KCNK10: variants seen among roughly 807,000 people sequenced by gnomAD.
The protein encoded by KCNK10 is potassium channel subfamily K member 10.
In KCNK10, 25 loss-of-function variants were observed where a neutral mutation model predicts 47.7. That is an observed-to-expected ratio of 0.52 (90% CI 0.38 to 0.73). The LOEUF (loss-of-function observed/expected upper bound fraction) is 0.73. Ranked by LOEUF, KCNK10 falls within the 30% of genes least tolerant of loss-of-function variation. The pLI is 0.00. For synonymous variants in KCNK10, 303 were observed against 285.6 expected, an observed-to-expected ratio of 1.06 and a Z score of -0.61; for missense variants, 563 against 714.5, an observed-to-expected ratio of 0.79 and a Z score of 2.42.
chr14:88,275,288 G>A (rs1328421721), intron 1 of KCNK10, among the ~76,000 whole-genome samples: 1 of 152,084 alleles, frequency 6.6e-6, no homozygotes, highest in Non-Finnish European at 1.5e-5. Flanking sequence ...GGCCATCAGT[G>A]GTAGACCTGG....
chr14:88,280,389 GTTA>G lies in KCNK10; in HGVS notation c.53-16841_53-16839del, dbSNP rs575208138. ...CTGCCTAAACACTGGACTTCCGTGG[GTTA>G]TTTTCTGCACCCCTTTTGTTCTATA... On this transcript the variant is annotated intron_variant, in intron 1 of 6. Coordinates refer to ENST00000319231, the MANE Select transcript of KCNK10 (RefSeq NM_138317.3). Among the ~76,000 whole-genome samples, 19 of 152,180 alleles carry G rather than the reference GTTA, an allele frequency of 1.2e-4. No individual in the cohort carries two copies. In the South Asian group the frequency reaches 3.9e-3, roughly 32 times the overall value.
chr14:88,264,645 C>G (rs1421274134), intron 1 of KCNK10, among the ~76,000 whole-genome samples: 1 of 152,186 alleles, frequency 6.6e-6, no homozygotes, highest in Non-Finnish European at 1.5e-5. Context: ...GCCTCTCCTC[C>G]TAGGCCCTCG....
chr14:88,223,280 T>C (rs1296810464), intron 4 of KCNK10, among the ~76,000 whole-genome samples: 2 of 151,834 alleles, frequency 1.3e-5, no homozygotes, highest in African/African-American at 2.4e-5. Flanking sequence ...AACAATTATG[T>C]AATCCTGTTC....
chr14:88,275,885 T>C (rs1887516431), intron 1 of KCNK10, among the ~76,000 whole-genome samples: 1 of 151,620 alleles, frequency 6.6e-6, no homozygotes, highest in Non-Finnish European at 1.5e-5. Context: ...CCTAGGAACA[T>C]CCTGAAAATA....
upstream of KCNK10, among the ~76,000 whole-genome samples, chr14:88,323,981 G>C (rs1372263164): frequency 6.6e-6 from 1 of 152,148 alleles, no homozygotes; most frequent in African/African-American, 2.4e-5. Flanking sequence ...CGCTCTCCCC[G>C]CCCGGGGAAG....
At chr14:88,309,157 C>T (rs1442354018) in intron 1 of KCNK10, among the ~76,000 whole-genome samples, 1 of 152,206 alleles carries the variant, frequency 6.6e-6, no homozygotes, top group Non-Finnish European at 1.5e-5. Flanking sequence ...GGATAGATGT[C>T]TTCTTCAAGA....
At chr14:88,263,661 G>A in intron 1 of KCNK10, 110 bp from the exon 2 acceptor site, 1 of 995,780 alleles carries the variant, frequency 1.0e-6, no homozygotes. Flanking sequence ...TTTCAAATGT[G>A]AGGATGAAAC....
chr14:88,306,260 C>T (rs1023434339), intron 1 of KCNK10, among the ~76,000 whole-genome samples: 1 of 152,150 alleles, frequency 6.6e-6, no homozygotes, highest in Non-Finnish European at 1.5e-5. Flanking sequence ...CTAAATTGTT[C>T]ATGTACTTTC....
At chr14:88,208,062 G>T (rs947209096) in intron 4 of KCNK10, among the ~76,000 whole-genome samples, 1 of 152,156 alleles carries the variant, frequency 6.6e-6, no homozygotes, top group Non-Finnish European at 1.5e-5. Flanking sequence ...CCCCAAACAC[G>T]ATCACCAAGG....
At chr14:88,245,966 T>C (rs929548569) in intron 2 of KCNK10, among the ~76,000 whole-genome samples, 2 of 152,196 alleles carry the variant, frequency 1.3e-5, no homozygotes, top group Non-Finnish European at 2.9e-5. Context: ...CACCACGTTC[T>C]TACTCCCTGA....
chr14:88,310,100 A>G (rs1045666492), intron 1 of KCNK10, among the ~76,000 whole-genome samples: 1 of 121,350 alleles, frequency 8.2e-6, no homozygotes, highest in African/African-American at 3.3e-5. Context: ...CTGAGGAACT[A>G]CATTCGCATG....
At chr14:88,209,960 T>C (rs1299092647) in intron 4 of KCNK10, among the ~76,000 whole-genome samples, 1 of 152,176 alleles carries the variant, frequency 6.6e-6, no homozygotes, top group Non-Finnish European at 1.5e-5. Context: ...AGCAGAACAA[T>C]CCATTGGCAA....
chr14:88,236,248 T>G (rs1039390764), intron 3 of KCNK10, among the ~76,000 whole-genome samples: 4 of 151,754 alleles, frequency 2.6e-5, no homozygotes, highest in Non-Finnish European at 5.9e-5. Flanking sequence ...GCCCAGGAGT[T>G]GGAGACTGCA....
At chr14:88,308,854 C>T (rs1888255411) in intron 1 of KCNK10, among the ~76,000 whole-genome samples, 1 of 152,200 alleles carries the variant, frequency 6.6e-6, no homozygotes, top group South Asian at 2.1e-4. Flanking sequence ...AGCATCAGCA[C>T]CCATTCCATA....
rs1884683442 is a variant in KCNK10, at chr14:88,189,590, T to C, written c.869-1481A>G. 2.0e-5 allele frequency among the ~76,000 whole-genome samples: 3 copies of C among 152,306 alleles called. No homozygotes were observed. In the South Asian group the frequency reaches 6.2e-4, roughly 32 times the overall value. Reference sequence around the variant, plus strand: ...CAACACCCTTCTAAGTATCCCTTTATGAGCTGCTTATCTGGATTCGGAGTT... The same window carrying C: ...CAACACCCTTCTAAGTATCCCTTTACGAGCTGCTTATCTGGATTCGGAGTT... On this transcript the variant is annotated intron_variant, in intron 5 of 6. Coordinates refer to ENST00000319231, the MANE Select transcript of KCNK10 (RefSeq NM_138317.3).
intron 1 of KCNK10, among the ~76,000 whole-genome samples, chr14:88,287,495 A>G (rs1887787140): frequency 6.6e-6 from 1 of 152,098 alleles, no homozygotes; most frequent in Non-Finnish European, 1.5e-5. Flanking sequence ...CAAGTCCCCA[A>G]AGTCCAATGA....
intron 1 of KCNK10, among the ~76,000 whole-genome samples, chr14:88,316,437 T>C (rs1315883082): frequency 1.3e-5 from 2 of 152,174 alleles, no homozygotes; most frequent in African/African-American, 4.8e-5. Context: ...ATAGATAAAC[T>C]GTAAAGTCTC....
At position 88,253,658 on chromosome 14, in the gene KCNK10, G is replaced by A. The variant is rs936212788; in HGVS notation, c.402+9544C>T. 3.9e-5 allele frequency among the ~76,000 whole-genome samples: 6 copies of A among 152,078 alleles called. No homozygotes were observed. The East Asian group carries it at 5.8e-4, about 15-fold the overall frequency. The stretch of plus-strand genomic sequence containing the variant: ...CTCACACCTGTAATCCCAAAACTTC[G>A]GGAGGCTGAGGTGGGCAGATCACCT... On this transcript the variant is annotated intron_variant, in intron 2 of 6. Transcript: ENST00000319231.
intron 2 of KCNK10, among the ~76,000 whole-genome samples, chr14:88,254,797 T>G (rs1182000162): frequency 7.2e-5 from 11 of 152,112 alleles, no homozygotes; most frequent in African/African-American, 2.7e-4. Context: ...AAAAATACAT[T>G]TAATTTACTT....
Sources: allele counts gnomAD v4.1 joint callset (sites outside exome capture counted in the v4.1 genomes callset), GRCh38; gene constraint gnomAD v4.1.1; transcripts MANE v1.5; gene names NCBI Gene and HGNC (gene_info 2026-07-23, HGNC 2026-07-21).